The following AGBL4 variants were observed in gnomAD, a reference collection of about 807,000 sequenced individuals.
AGBL4 encodes AGBL carboxypeptidase 4, also known as cytosolic carboxypeptidase 6.
AGBL4 carries 58 observed loss-of-function variants against 66.4 expected under a neutral mutation model. That is an observed-to-expected ratio of 0.87 (90% CI 0.71 to 1.09). AGBL4 has a LOEUF of 1.09. Ranked by LOEUF, AGBL4 falls within the 50% of genes least tolerant of loss-of-function variation. The pLI is 0.00. For synonymous variants in AGBL4, 234 were observed against 222.9 expected (o/e 1.05, Z -0.44); for missense variants, 579 against 631.0 (o/e 0.92, Z 0.88).
chr1:49,752,981 C>A (rs1052228716), intron 2 of AGBL4, among the ~76,000 whole-genome samples: 5 of 152,160 alleles, frequency 3.3e-5, no homozygotes, highest in African/African-American at 1.2e-4. Context: ...TGAGATGGGT[C>A]TCCTCAATAC....
At chr1:48,756,000 C>T (rs1232898561) in intron 6 of AGBL4, among the ~76,000 whole-genome samples, 1 of 152,130 alleles carries the variant, frequency 6.6e-6, no homozygotes, top group East Asian at 1.9e-4. Context: ...CTGGGGGTGC[C>T]CGAGTTAAAA....
At chr1:49,527,172 T>G (rs904588997) in intron 3 of AGBL4, 1 of 152,124 alleles carries the variant, frequency 6.6e-6, no homozygotes, top group Non-Finnish European at 1.5e-5. Context: ...TCAGTTTTTT[T>G]GGTCTTTAAA....
intron 3 of AGBL4, among the ~76,000 whole-genome samples, chr1:49,428,644 A>G (rs972427922): frequency 6.6e-6 from 1 of 152,216 alleles, no homozygotes; most frequent in Admixed American, 6.5e-5. Flanking sequence ...GATTATTAAG[A>G]TGCAAAAATA....
chr1:48,582,688 C>T lies in AGBL4; in HGVS notation c.1267+4316G>A, dbSNP rs1644758051. Among the ~76,000 whole-genome samples, 2 of 152,136 alleles carry T rather than the reference C, an allele frequency of 1.3e-5. 1 individual carries two copies. Among genetic ancestry groups the T allele is most frequent in the South Asian group, 4.1e-4 (2 of 4,822 alleles). Reference sequence around the variant, plus strand: ...ATGCAGATATAGTGCCTTATTTCACCCTCCCAATAACCATGCAAAGTGAGT... The same window carrying T: ...ATGCAGATATAGTGCCTTATTTCACTCTCCCAATAACCATGCAAAGTGAGT... On this transcript the variant is annotated intron_variant, in intron 11 of 13. Transcript: ENST00000371839.
intron 3 of AGBL4, among the ~76,000 whole-genome samples, chr1:49,459,842 G>A (rs1029306347): frequency 6.6e-6 from 1 of 151,562 alleles, no homozygotes; most frequent in Non-Finnish European, 1.5e-5. Context: ...CATCCCAGAG[G>A]TTTTGATAGG....
At chr1:49,111,171 T>C (rs978681452) in intron 4 of AGBL4, among the ~76,000 whole-genome samples, 8 of 150,878 alleles carry the variant, frequency 5.3e-5, no homozygotes. Context: ...TGGAGTGCAG[T>C]GGCGTGATCT....
intron 11 of AGBL4, among the ~76,000 whole-genome samples, chr1:48,548,035 T>A (rs1324338109): frequency 6.6e-6 from 1 of 152,146 alleles, no homozygotes; most frequent in Non-Finnish European, 1.5e-5. Context: ...TAGGGAGAAC[T>A]GACTATGTGC....
rs1571224727 is a variant in AGBL4 at position 49,010,881 on chromosome 1, A to C, written c.594+34703T>G. ...TTACACCTTATACAAAAATCAATTCAAGATGGATTAAAGACTTAAACGTTA... is the reference window on the plus strand; with the variant it reads ...TTACACCTTATACAAAAATCAATTCCAGATGGATTAAAGACTTAAACGTTA... On this transcript the variant is annotated intron_variant, in intron 5 of 13. Transcript: ENST00000371839. Among the ~76,000 whole-genome samples, 16 of 151,358 alleles carry C rather than the reference A, an allele frequency of 1.1e-4. 1 individual carries two copies. The South Asian group carries it at 3.3e-3, about 31-fold the overall frequency.
intron 3 of AGBL4, among the ~76,000 whole-genome samples, chr1:49,407,065 CAAAAAAAAAAAAAAAAA>C (rs57974289): frequency 1.2e-4 from 3 of 25,914 alleles, no homozygotes; most frequent in African/African-American, 2.4e-4. Flanking sequence ...ACTCTGCCTC[CAAAAAAAAAAAAAAAAA>C]AAAAAAAAAG....
chr1:49,940,462 C>G (rs1195692624), intron 1 of AGBL4, among the ~76,000 whole-genome samples: 1 of 152,098 alleles, frequency 6.6e-6, no homozygotes, highest in African/African-American at 2.4e-5. Flanking sequence ...AAATGTCCAT[C>G]AATGATAGAC....
chr1:50,019,306 T>TCTCTCACACA lies in AGBL4; in HGVS notation c.34+4456_34+4457insTGTGTGAGAG, dbSNP rs1167835143. On this transcript the variant is annotated intron_variant, in intron 1 of 13. Coordinates refer to ENST00000371839, the MANE Select transcript of AGBL4 (RefSeq NM_032785.4). ...CTCTCTCTCTCTCTCTCTCTCTCTC[T>TCTCTCACACA]CACACACACACACACACACACACAC... Among the ~76,000 whole-genome samples the TCTCTCACACA allele has an allele frequency of 8.5e-3, 412 of 48,388 alleles. 5 individuals carry two copies. Among genetic ancestry groups the TCTCTCACACA allele is most frequent in the African/African-American group, 0.017 (234 of 13,500 alleles). 31.7% of individuals were successfully genotyped at this position (48,388 alleles called of 152,430 possible).
intron 8 of AGBL4, among the ~76,000 whole-genome samples, chr1:48,638,342 G>A (rs1645701136): frequency 6.6e-6 from 1 of 152,144 alleles, no homozygotes; most frequent in South Asian, 2.1e-4. Context: ...CACCAGCTGT[G>A]TGATCTTTTT....
intron 3 of AGBL4, among the ~76,000 whole-genome samples, chr1:49,604,921 G>A (rs754961410): frequency 1.3e-5 from 2 of 152,020 alleles, no homozygotes; most frequent in Non-Finnish European, 2.9e-5. Context: ...CAATGAATAA[G>A]ATTTTTTTCT....
chr1:49,293,678 A>G (rs1289108616), intron 3 of AGBL4, among the ~76,000 whole-genome samples: 1 of 152,212 alleles, frequency 6.6e-6, no homozygotes, highest in East Asian at 1.9e-4. Flanking sequence ...AAATTTTATA[A>G]TATCTCCTTA....
intron 2 of AGBL4, among the ~76,000 whole-genome samples, chr1:49,709,916 G>T (rs1254692875): frequency 6.6e-6 from 1 of 152,162 alleles, no homozygotes. Flanking sequence ...AGTTAGAATG[G>T]CAATCATTAA....
chr1:49,558,559 T>C (rs1338165006), intron 3 of AGBL4, among the ~76,000 whole-genome samples: 1 of 152,170 alleles, frequency 6.6e-6, no homozygotes, highest in Non-Finnish European at 1.5e-5. Flanking sequence ...CAGGATGGTC[T>C]TGATCTCCTC....
At chr1:49,512,094 G>A (rs1203516623) in intron 3 of AGBL4, among the ~76,000 whole-genome samples, 2 of 151,890 alleles carry the variant, frequency 1.3e-5, no homozygotes, top group African/African-American at 2.4e-5. Context: ...TATTCTATTC[G>A]AGAAGTGTCT....
intron 3 of AGBL4, among the ~76,000 whole-genome samples, chr1:49,449,518 G>A (rs1457140226): frequency 6.6e-6 from 1 of 151,942 alleles, no homozygotes; most frequent in Admixed American, 6.6e-5. Flanking sequence ...AGGCAGGAAG[G>A]GCCCATACTT....
intron 2 of AGBL4, among the ~76,000 whole-genome samples, chr1:49,727,717 T>C (rs780714058): frequency 2.0e-5 from 3 of 152,132 alleles, no homozygotes; most frequent in Non-Finnish European, 2.9e-5. Context: ...TCTCAGAAAG[T>C]AGAGGGCTGC....
Sources: gnomAD v4.1 joint callset for allele counts (sites outside exome capture counted in the v4.1 genomes callset) on GRCh38, gnomAD v4.1.1 for gene constraint, MANE v1.5 for transcripts, NCBI Gene and HGNC (gene_info 2026-07-23, HGNC 2026-07-21) for gene names.